GRIA2: variants seen among roughly 807,000 people sequenced by gnomAD.
GRIA2 encodes glutamate receptor 2.
In GRIA2, 14 loss-of-function variants were observed where a neutral mutation model predicts 97.3. That is an observed-to-expected ratio of 0.14 (90% confidence interval 0.10 to 0.23). The LOEUF is 0.23. Ranked by LOEUF, GRIA2 falls within the 10% of genes least tolerant of loss-of-function variation. GRIA2 has a pLI of 1.00. For synonymous variants in GRIA2, 412 were observed against 387.8 expected (o/e 1.06, Z -0.73); for missense variants, 558 against 1,069.8 (o/e 0.52, Z 6.67).
At chr4:157,243,348 C>T (rs977029783) in intron 2 of GRIA2, among the ~76,000 whole-genome samples, 6 of 151,980 alleles carry the variant, frequency 3.9e-5, no homozygotes, top group African/African-American at 1.4e-4. Flanking sequence ...AAGGATTTCA[C>T]CTTGCTCTGA....
chr4:157,322,240 AGAGT>A (rs752558017), intron 6 of GRIA2, among the ~76,000 whole-genome samples: 42 of 120,562 alleles, frequency 3.5e-4, no homozygotes, highest in East Asian at 5.0e-4. Context: ...AGAGAGAGAG[AGAGT>A]GTGTGTGTGT....
intron 11 of GRIA2, among the ~76,000 whole-genome samples, chr4:157,337,429 A>G (rs564507357): frequency 6.6e-6 from 1 of 152,134 alleles, no homozygotes; most frequent in South Asian, 2.1e-4. Context: ...ATTATAATGA[A>G]TCTACCACAA....
intron 11 of GRIA2, among the ~76,000 whole-genome samples, chr4:157,337,849 T>C (rs1053727768): frequency 9.9e-5 from 15 of 151,138 alleles, no homozygotes; most frequent in Admixed American, 7.3e-4. Context: ...TAGGTAATTA[T>C]AGTGGGAATG....
chr4:157,312,767 C>A lies in GRIA2; in HGVS notation c.558C>A (p.Asp186Glu), dbSNP rs1254944159. 6.2e-7 allele frequency: 1 copy of A among 1,608,470 alleles called. No homozygotes were observed. Among genetic ancestry groups the A allele is most frequent in the South Asian group, 1.1e-5 (1 of 90,846 alleles). Residue 186 changes from aspartate to glutamate, a missense_variant, in exon 4 of 16, where the codon GAC becomes GAA. By Grantham distance (45) the Asp-to-Glu change is conservative. Coordinates refer to ENST00000264426, the MANE Select transcript of GRIA2 (RefSeq NM_001083619.3). ...TCAATGTGGGAAACATTAACAATGA[C>A]AAGAAAGATGAGATGTACCGATCAC... is the stretch of plus-strand genomic sequence containing the variant. ...TAINVGNINN[D>E]KKDEMYRSLF...
chr4:157,267,522 C>T (rs1260842000), intron 2 of GRIA2, among the ~76,000 whole-genome samples: 1 of 151,856 alleles, frequency 6.6e-6, no homozygotes, highest in Non-Finnish European at 1.5e-5. Context: ...TATCATCCTG[C>T]TGCTGTTATT....
chr4:157,316,911 A>G (rs1734348935), intron 4 of GRIA2, among the ~76,000 whole-genome samples: 1 of 152,218 alleles, frequency 6.6e-6, no homozygotes, highest in Non-Finnish European at 1.5e-5. Context: ...CGTAATTGAT[A>G]CAGATCATTC....
chr4:157,272,222 G>A (rs1408463682), intron 2 of GRIA2, among the ~76,000 whole-genome samples: 1 of 152,024 alleles, frequency 6.6e-6, no homozygotes, highest in Non-Finnish European at 1.5e-5. Context: ...CAATCAAATA[G>A]CAGGACTTCT....
At chr4:157,318,931 AC>A (rs1265221307) in intron 5 of GRIA2, among the ~76,000 whole-genome samples, 1 of 152,206 alleles carries the variant, frequency 6.6e-6, no homozygotes, top group Non-Finnish European at 1.5e-5. Context: ...AAGAGATAAA[AC>A]AAAACAATAC....
intron 2 of GRIA2, among the ~76,000 whole-genome samples, chr4:157,275,093 T>C (rs1732228244): frequency 1.3e-5 from 2 of 152,160 alleles, no homozygotes; most frequent in Non-Finnish European, 2.9e-5. Context: ...CATTGTGGTT[T>C]TGATTTGCAT....
chr4:157,357,863 C>T (rs1736461777), intron 12 of GRIA2, among the ~76,000 whole-genome samples: 1 of 151,976 alleles, frequency 6.6e-6, no homozygotes, highest in Admixed American at 6.6e-5. Context: ...ATTCTTAAAA[C>T]CAGCCGAAAA....
At position 157,299,893 on chromosome 4, in the gene GRIA2, G is replaced by A. The variant is rs530259516; in HGVS notation, c.230-3659G>A. 2.0e-5 allele frequency among the ~76,000 whole-genome samples: 3 copies of A among 152,148 alleles called. No individual in the cohort carries two copies. The South Asian group carries it at 6.2e-4, about 31-fold the overall frequency. On this transcript the variant is annotated intron_variant, in intron 2 of 15. Coordinates refer to ENST00000264426, the MANE Select transcript of GRIA2 (RefSeq NM_001083619.3). ...TAAATGCAATTCTAATATTAATCAG[G>A]ACTATCATTGAGAAACTTATAATAG...
chr4:157,282,452 G>C (rs1036193178), intron 2 of GRIA2, among the ~76,000 whole-genome samples: 12 of 152,058 alleles, frequency 7.9e-5, no homozygotes, highest in African/African-American at 2.9e-4. Flanking sequence ...ATAAAGATTG[G>C]GCAATAAGAA....
intron 6 of GRIA2, among the ~76,000 whole-genome samples, chr4:157,332,157 C>T (rs1011501086): frequency 1.3e-5 from 2 of 151,992 alleles, no homozygotes; most frequent in Admixed American, 6.6e-5. Flanking sequence ...TAGGGCTTGG[C>T]CCTAGAACCT....
chr4:157,289,056 G>A (rs556469756), intron 2 of GRIA2, among the ~76,000 whole-genome samples: 24 of 151,866 alleles, frequency 1.6e-4, no homozygotes, highest in African/African-American at 5.8e-4. Flanking sequence ...GTAAGAAGTG[G>A]CAGAAAGTAC....
intron 12 of GRIA2, among the ~76,000 whole-genome samples, chr4:157,357,696 GACCTAACAT>G (rs1203937055): frequency 1.3e-5 from 2 of 151,958 alleles, no homozygotes; most frequent in Non-Finnish European, 2.9e-5. Flanking sequence ...CAGAACTAAT[GACCTAACAT>G]ACCAGAACTA....
chr4:157,304,140 T>G (rs1249255932), intron 3 of GRIA2, among the ~76,000 whole-genome samples: 1 of 152,226 alleles, frequency 6.6e-6, no homozygotes, highest in Non-Finnish European at 1.5e-5. Context: ...TGAGTACATT[T>G]AAGTGAAACA....
At chr4:157,346,800 A>G (rs1735784458) in intron 12 of GRIA2, among the ~76,000 whole-genome samples, 1 of 152,204 alleles carries the variant, frequency 6.6e-6, no homozygotes, top group Non-Finnish European at 1.5e-5. Flanking sequence ...AACAATCTGC[A>G]CAGCTGACAA....
intron 6 of GRIA2, among the ~76,000 whole-genome samples, chr4:157,329,382 C>T (rs1039764618): frequency 5.3e-5 from 8 of 151,698 alleles, no homozygotes; most frequent in South Asian, 2.1e-4. Context: ...GAAATGAGTA[C>T]GTAAAATGTA....
At chr4:157,343,435 C>T (rs1735632985) in intron 12 of GRIA2, among the ~76,000 whole-genome samples, 1 of 152,026 alleles carries the variant, frequency 6.6e-6, no homozygotes, top group African/African-American at 2.4e-5. Flanking sequence ...TTTCCATACA[C>T]TATTTTTCCT....
Sources: allele counts gnomAD v4.1 joint callset (sites outside exome capture counted in the v4.1 genomes callset), GRCh38; gene constraint gnomAD v4.1.1; transcripts MANE v1.5; gene names NCBI Gene and HGNC (gene_info 2026-07-23, HGNC 2026-07-21).